PIEZO2: variants seen among roughly 807,000 people sequenced by gnomAD.
PIEZO2 encodes the protein piezo-type mechanosensitive ion channel component 2.
Under a neutral mutation model 337.3 loss-of-function variants are expected in PIEZO2, and 172 were observed. The ratio of observed to expected loss-of-function variants is 0.51; its 90% CI spans 0.45 to 0.58. The LOEUF (loss-of-function observed/expected upper bound fraction) is 0.58. Ranked by LOEUF, PIEZO2 falls within the 20% of genes least tolerant of loss-of-function variation. The pLI, the probability that PIEZO2 is intolerant of heterozygous loss-of-function variation, is 0.00. For missense variants in PIEZO2, 3,028 were observed against 3,391.3 expected (o/e 0.89, Z 2.66); for synonymous variants, 1,251 against 1,228.5 (o/e 1.02, Z -0.38).
intron 36 of PIEZO2, among the ~76,000 whole-genome samples, chr18:10,720,058 G>C (rs1449364277): frequency 6.6e-6 from 1 of 151,202 alleles, no homozygotes; most frequent in African/African-American, 2.4e-5. Context: ...AAATAATGAC[G>C]TGAAGTTTGA....
rs559015855 is a variant in PIEZO2, at chr18:10,853,482, T to C, written c.917+1871A>G. Among the ~76,000 whole-genome samples, 3 of 152,356 alleles carry C rather than the reference T, an allele frequency of 2.0e-5. No homozygotes were observed. The highest frequency in any genetic ancestry group is 4.8e-5 in the African/African-American group (2 of 41,588). On this transcript the variant is annotated intron_variant, in intron 7 of 55. Coordinates refer to ENST00000674853, the MANE Select transcript of PIEZO2 (RefSeq NM_001378183.1). This position sits in a 1 kb window ranked among gnomAD's most constrained non-coding sequence, Gnocchi z 4.2. ...TTCATTTTTCTAAGGAAGCAAAAAT[T>C]GAAATTGCAGCAGATCCATGGGAAT...
intron 1 of PIEZO2, among the ~76,000 whole-genome samples, chr18:11,095,591 TAAC>T (rs1350588215): frequency 6.6e-6 from 1 of 152,162 alleles, no homozygotes; most frequent in Non-Finnish European, 1.5e-5. Context: ...GCATAAAACA[TAAC>T]AAAGTCATCT....
intron 7 of PIEZO2, among the ~76,000 whole-genome samples, chr18:10,844,554 C>T (rs963647384): frequency 5.9e-5 from 9 of 151,922 alleles, no homozygotes; most frequent in Non-Finnish European, 1.0e-4. Flanking sequence ...TTTGGGAGGC[C>T]GAGGTGGGTG....
chr18:11,067,790 C>A (rs2038200053), intron 1 of PIEZO2, among the ~76,000 whole-genome samples: 5 of 152,168 alleles, frequency 3.3e-5, no homozygotes, highest in Admixed American at 3.3e-4. Context: ...TCCATTTTTA[C>A]AAATGGACAG....
chr18:10,714,098 G>C (rs1206093834), intron 39 of PIEZO2, among the ~76,000 whole-genome samples: 1 of 151,974 alleles, frequency 6.6e-6, no homozygotes, highest in Non-Finnish European at 1.5e-5. Context: ...TGTGACTTTG[G>C]GTATGTTTCT....
chr18:10,905,374 C>A (rs768859169), intron 4 of PIEZO2, among the ~76,000 whole-genome samples: 1 of 151,888 alleles, frequency 6.6e-6, no homozygotes, highest in Non-Finnish European at 1.5e-5. Flanking sequence ...ACCTGAGGTC[C>A]GGAGTTTGAG....
rs1002926678 is a variant in PIEZO2, at chr18:11,058,354, A to G, written c.160+7773T>C. On this transcript the variant is annotated intron_variant, in intron 2 of 55. Coordinates refer to ENST00000674853, the MANE Select transcript of PIEZO2 (RefSeq NM_001378183.1). ...AAACAGCTGGAAATCTGAAAACTCT[A>G]AAAATCAGAGCACCTCTCCTCCTCC... Among the ~76,000 whole-genome samples the G allele has an allele frequency of 3.3e-4, 50 of 152,208 alleles. 1 individual carries two copies. The highest frequency in any genetic ancestry group is 4.4e-5 in the Non-Finnish European group (3 of 68,036).
In PIEZO2 at chr18:11,048,502, T is replaced by G. The variant is rs1342017791; in HGVS notation, c.160+17625A>C. Among the ~76,000 whole-genome samples, 1 of 152,236 alleles carries G rather than the reference T, an allele frequency of 6.6e-6. No individual in the cohort carries two copies. The highest frequency in any genetic ancestry group is 6.5e-5 in the Admixed American group (1 of 15,284). On this transcript the variant is annotated intron_variant, in intron 2 of 55. Coordinates refer to ENST00000674853, the MANE Select transcript of PIEZO2 (RefSeq NM_001378183.1). This position sits in a 1 kb window ranked among gnomAD's most constrained non-coding sequence, Gnocchi z 4.5. ...AAAAGGCAGCTTAAAGCACAGTAAT[T>G]GTCTACTTACATGTTGGAAGGCAAG...
rs924394429 is a variant in PIEZO2 at position 11,077,514 on chromosome 18, G to A, written c.65-11292C>T. 4.6e-5 allele frequency among the ~76,000 whole-genome samples: 7 copies of A among 152,066 alleles called. No homozygotes were observed. The highest frequency in any genetic ancestry group is 1.7e-4 in the African/African-American group (7 of 41,402). ...AGACCCCCATCTCCACACAAAAAAA[G>A]AAAAAACTAGCTGGGCATGGTGGTG... is the stretch of plus-strand genomic sequence containing the variant. On this transcript the variant is annotated intron_variant, in intron 1 of 55. Coordinates refer to ENST00000674853, the MANE Select transcript of PIEZO2 (RefSeq NM_001378183.1). The surrounding 1 kb of genome is among the most constrained non-coding windows in gnomAD (Gnocchi z 4.8).
At chr18:10,874,406 G>T (rs1473644864) in intron 4 of PIEZO2, among the ~76,000 whole-genome samples, 1 of 152,118 alleles carries the variant, frequency 6.6e-6, no homozygotes, top group Non-Finnish European at 1.5e-5. Context: ...CAGCATGGAG[G>T]TTCCTCGAAA....
At chr18:10,741,006 T>C (rs1040235379) in intron 33 of PIEZO2, 25 bp downstream of exon 33, 10 of 1,522,302 alleles carry the variant, frequency 6.6e-6, no homozygotes, top group Admixed American at 5.9e-5. Flanking sequence ...GTCGATGAGG[T>C]TGTAAGGGGA....
rs2039324991 is a variant in PIEZO2, at chr18:10,789,078, C to T, written c.2169+1G>A. On this transcript the variant is annotated splice_donor_variant, in intron 15 of 55. Coordinates refer to ENST00000674853, the MANE Select transcript of PIEZO2 (RefSeq NM_001378183.1). LOFTEE classifies it high-confidence loss of function. Reference sequence around the variant, plus strand: ...ATTAAAATGGTCAACTGTGTACCTACCTGGTATAGGGCCACACAGAACAGG... The same window carrying T: ...ATTAAAATGGTCAACTGTGTACCTATCTGGTATAGGGCCACACAGAACAGG... 6.5e-7 allele frequency: 1 copy of T among 1,535,670 alleles called. No individual in the cohort carries two copies. The highest frequency in any genetic ancestry group is 8.7e-7 in the Non-Finnish European group (1 of 1,145,906).
At chr18:11,043,450 T>C (rs1329164569) in intron 2 of PIEZO2, among the ~76,000 whole-genome samples, 15 of 152,238 alleles carry the variant, frequency 9.9e-5, no homozygotes, top group South Asian at 2.1e-4. Flanking sequence ...ACAATTTATC[T>C]GGCAATCATA....
Position 11,069,889 on chromosome 18 carries a change from T to C in PIEZO2, c.65-3667A>G, listed in dbSNP as rs1310019824. 1.3e-5 allele frequency among the ~76,000 whole-genome samples: 2 copies of C among 152,164 alleles called. No homozygotes were observed. Among genetic ancestry groups the C allele is most frequent in the Non-Finnish European group, 2.9e-5 (2 of 68,036 alleles). On this transcript the variant is annotated intron_variant, in intron 1 of 55. Transcript: ENST00000674853. This position sits in a 1 kb window ranked among gnomAD's most constrained non-coding sequence, Gnocchi z 4.9. ...TGCTATATGCTAACAATGAACTATC[T>C]GAAAAAGAAATTTAAAAAATCCCAT...
chr18:10,892,412 C>T (rs2042781760), intron 4 of PIEZO2, among the ~76,000 whole-genome samples: 1 of 152,104 alleles, frequency 6.6e-6, no homozygotes, highest in South Asian at 2.1e-4. Context: ...ATTCACATGA[C>T]AATCCAGAAA....
chr18:11,071,438 T>C (rs886252120), intron 1 of PIEZO2, among the ~76,000 whole-genome samples: 2 of 152,252 alleles, frequency 1.3e-5, no homozygotes, highest in Non-Finnish European at 2.9e-5. Context: ...CCCAGGTGTT[T>C]GGGCTACATC....
intron 1 of PIEZO2, among the ~76,000 whole-genome samples, chr18:11,079,185 C>T (rs2038649632): frequency 6.6e-6 from 1 of 152,184 alleles, no homozygotes; most frequent in African/African-American, 2.4e-5. Context: ...CCTGGCCCAT[C>T]GTTCCACCAT....
chr18:10,691,201 C>T lies in PIEZO2; in HGVS notation c.7349+24G>A. ...ACCGCTATTCTTCCCCCATAAGTGACTGTGACGTTGCAGAGCGTCCTACCC... is the reference window on the plus strand; with the variant it reads ...ACCGCTATTCTTCCCCCATAAGTGATTGTGACGTTGCAGAGCGTCCTACCC... On this transcript the variant is annotated intron_variant, in intron 48 of 55. Transcript: ENST00000674853. The T allele has an allele frequency of 1.2e-6, 2 of 1,606,976 alleles. 1 individual carries two copies. Among genetic ancestry groups the T allele is most frequent in the South Asian group, 2.2e-5 (2 of 89,706 alleles).
In PIEZO2 at chr18:10,676,083, G is replaced by C. The variant is rs531988523; in HGVS notation, c.8082-795C>G. 2.0e-5 allele frequency among the ~76,000 whole-genome samples: 3 copies of C among 152,172 alleles called. No homozygotes were observed. Among genetic ancestry groups the C allele is most frequent in the Non-Finnish European group, 4.4e-5 (3 of 68,024 alleles). On this transcript the variant is annotated intron_variant, in intron 53 of 55. Coordinates refer to ENST00000674853, the MANE Select transcript of PIEZO2 (RefSeq NM_001378183.1). The surrounding 1 kb of genome is among the most constrained non-coding windows in gnomAD (Gnocchi z 5.1). ...AGTAGACTTCATGAATTGATCTAGA[G>C]GGGAGTGAGAGGTGAAGAGAGATGG...
Sources: gnomAD v4.1 joint callset for allele counts (sites outside exome capture counted in the v4.1 genomes callset) on GRCh38, gnomAD v4.1.1 for gene constraint, Gnocchi (gnomAD v3.1) non-coding constraint, MANE v1.5 for transcripts, NCBI Gene and HGNC (gene_info 2026-07-23, HGNC 2026-07-21) for gene names.